The following PTPRG variants were observed in gnomAD, a reference collection of about 807,000 sequenced individuals.
PTPRG encodes the protein receptor-type tyrosine-protein phosphatase gamma.
Under a neutral mutation model 165.3 loss-of-function variants are expected in PTPRG, and 102 were observed. That is an observed-to-expected ratio of 0.62 (90% CI 0.53 to 0.73). PTPRG has a LOEUF of 0.73. Ranked by LOEUF, PTPRG falls within the 30% of genes least tolerant of loss-of-function variation. The pLI is 0.00. For synonymous variants in PTPRG, 675 were observed against 669.5 expected (o/e 1.01, Z -0.13); for missense variants, 1,866 against 1,861.4 (o/e 1.00, Z -0.05).
At chr3:61,703,426 T>A (rs189272892) in intron 1 of PTPRG, among the ~76,000 whole-genome samples, 8 of 150,612 alleles carry the variant, frequency 5.3e-5, no homozygotes, top group Admixed American at 5.3e-4. Flanking sequence ...AGGCTGACAT[T>A]TTTTCTCTTT....
intron 5 of PTPRG, among the ~76,000 whole-genome samples, chr3:62,091,282 T>C (rs1269773797): frequency 1.3e-5 from 2 of 152,244 alleles, no homozygotes; most frequent in African/African-American, 4.8e-5. Flanking sequence ...CTAGTTGTTA[T>C]TGGTGCTATA....
chr3:61,732,006 G>T (rs1008804528), intron 1 of PTPRG, among the ~76,000 whole-genome samples: 2 of 150,988 alleles, frequency 1.3e-5, no homozygotes, highest in Admixed American at 6.6e-5. Context: ...AGTTCACCAT[G>T]TTGGCCAGGC....
intron 1 of PTPRG, among the ~76,000 whole-genome samples, chr3:61,641,431 T>A (rs1397972276): frequency 6.6e-6 from 1 of 152,228 alleles, no homozygotes; most frequent in Non-Finnish European, 1.5e-5. Context: ...TGTTAAGCAA[T>A]AATTATTTTT....
chr3:61,568,609 T>TA (rs965443431), intron 1 of PTPRG, among the ~76,000 whole-genome samples: 2 of 151,938 alleles, frequency 1.3e-5, no homozygotes, highest in Admixed American at 6.6e-5. Flanking sequence ...AATACAACTG[T>TA]AAAAAAAATT....
At chr3:61,937,623 C>T (rs1212564453) in intron 2 of PTPRG, among the ~76,000 whole-genome samples, 1 of 152,180 alleles carries the variant, frequency 6.6e-6, no homozygotes, top group African/African-American at 2.4e-5. Context: ...GTTCTCTCTT[C>T]TTTTCTTTGA....
intron 2 of PTPRG, among the ~76,000 whole-genome samples, chr3:61,818,480 A>G (rs1297092505): frequency 6.6e-6 from 1 of 152,178 alleles, no homozygotes; most frequent in African/African-American, 2.4e-5. Context: ...TATAATAATG[A>G]AAAAGTCCTA....
intron 3 of PTPRG, among the ~76,000 whole-genome samples, chr3:61,991,248 C>T (rs912615550): frequency 7.2e-5 from 11 of 152,170 alleles, no homozygotes; most frequent in African/African-American, 1.7e-4. Flanking sequence ...CTCTGTTGCC[C>T]GGGCTGGAGT....
chr3:61,657,813 G>C (rs1321343741), intron 1 of PTPRG, among the ~76,000 whole-genome samples: 1 of 152,178 alleles, frequency 6.6e-6, no homozygotes, highest in Non-Finnish European at 1.5e-5. Context: ...CATGGCTGCT[G>C]AGAGTGCTGC....
intron 6 of PTPRG, among the ~76,000 whole-genome samples, chr3:62,141,023 G>A (rs73096566): frequency 0.13 from 19,577 of 151,952 alleles, 1,448 homozygotes; most frequent in East Asian, 0.36. Flanking sequence ...CTGCATTTGA[G>A]TGTTTGAAAA....
At chr3:61,772,733 G>C (rs532015188) in intron 2 of PTPRG, among the ~76,000 whole-genome samples, 2 of 152,180 alleles carry the variant, frequency 1.3e-5, no homozygotes, top group Non-Finnish European at 2.9e-5. Flanking sequence ...TTTCCTTCAT[G>C]ATGGACATTC....
intron 2 of PTPRG, among the ~76,000 whole-genome samples, chr3:61,879,401 T>C (rs1486905776): frequency 6.6e-6 from 1 of 152,204 alleles, no homozygotes; most frequent in African/African-American, 2.4e-5. Context: ...TCTACGGTTT[T>C]CTGTAGTTTT....
At chr3:61,744,220 G>A (rs150363654) in intron 1 of PTPRG, among the ~76,000 whole-genome samples, 45 of 152,198 alleles carry the variant, frequency 3.0e-4, no homozygotes, top group Non-Finnish European at 6.0e-4. Context: ...TTAAAAGTTG[G>A]TTTTTAAAAA....
intron 1 of PTPRG, among the ~76,000 whole-genome samples, chr3:61,578,876 G>A (rs1384922285): frequency 6.6e-6 from 1 of 152,182 alleles, no homozygotes; most frequent in Non-Finnish European, 1.5e-5. Flanking sequence ...TGTTTGGCAG[G>A]GTGGACACAT....
chr3:62,012,478 T>C (rs1378273817), intron 4 of PTPRG, among the ~76,000 whole-genome samples: 1 of 152,226 alleles, frequency 6.6e-6, no homozygotes, highest in Non-Finnish European at 1.5e-5. Flanking sequence ...TTAAATTTTT[T>C]TTATTTGGGA....
chr3:62,153,071 A>G (rs1284533791), intron 6 of PTPRG, among the ~76,000 whole-genome samples: 2 of 152,242 alleles, frequency 1.3e-5, no homozygotes, highest in African/African-American at 4.8e-5. Flanking sequence ...AATACAGTTA[A>G]TAAGATTGTG....
chr3:61,997,557 G>T (rs1262945177), intron 3 of PTPRG, among the ~76,000 whole-genome samples: 2 of 152,066 alleles, frequency 1.3e-5, no homozygotes, highest in Admixed American at 1.3e-4. Context: ...TTAACTCTCA[G>T]CTCAGACCAT....
intron 2 of PTPRG, among the ~76,000 whole-genome samples, chr3:61,987,160 G>A (rs1412485813): frequency 6.6e-6 from 1 of 152,114 alleles, no homozygotes; most frequent in Non-Finnish European, 1.5e-5. Flanking sequence ...ATGACATAGG[G>A]GTTTTTGCAA....
chr3:61,588,286 C>T (rs1157180202), intron 1 of PTPRG, among the ~76,000 whole-genome samples: 1 of 152,096 alleles, frequency 6.6e-6, no homozygotes, highest in African/African-American at 2.4e-5. Context: ...TGAACATATA[C>T]CCCTATTATA....
chr3:62,011,341 C>T (rs2041419660), intron 4 of PTPRG, among the ~76,000 whole-genome samples: 1 of 152,186 alleles, frequency 6.6e-6, no homozygotes, highest in South Asian at 2.1e-4. Flanking sequence ...TACTGTCTGC[C>T]TATAGAAAGC....
Sources: gnomAD v4.1 joint callset for allele counts (sites outside exome capture counted in the v4.1 genomes callset) on GRCh38, gnomAD v4.1.1 for gene constraint, MANE v1.5 for transcripts, NCBI Gene and HGNC (gene_info 2026-07-23, HGNC 2026-07-21) for gene names.